The following SLC25A19 variants were observed in gnomAD, a reference collection of about 807,000 sequenced individuals.
The protein encoded by SLC25A19 is solute carrier family 25 member 19, also known as mitochondrial thiamine pyrophosphate carrier.
In SLC25A19, 18 loss-of-function variants were observed where a neutral mutation model predicts 27.9. That is an observed-to-expected ratio of 0.64 (90% CI 0.45 to 0.96). The LOEUF is 0.96. Among genes scored for constraint, SLC25A19 ranks in the 40% least tolerant of loss-of-function variants. The pLI is 0.00. For synonymous variants in SLC25A19, 169 were observed against 167.1 expected (o/e 1.01, Z -0.09); for missense variants, 371 against 418.3 (o/e 0.89, Z 0.99).
In SLC25A19 at chr17:75,273,472, G is replaced by C; in HGVS notation, c.942C>G (p.Asn314Lys). 2 of 1,614,084 alleles carry C rather than the reference G, an allele frequency of 1.2e-6. No individual in the cohort carries two copies. Among genetic ancestry groups the C allele is most frequent in the Non-Finnish European group, 1.7e-6 (2 of 1,180,038 alleles). The change falls in exon 8 of 8, where the codon AAC (asparagine) becomes AAG (lysine). Residue 314 changes from asparagine to lysine, a missense_variant. Physicochemically the swap from Asn to Lys is moderately conservative, Grantham distance 94. Transcript: ENST00000416858. ...GCACTCAGCGCTGGCTGGCTGTCCT[G>C]TTCATGCAGTGGAAGACATTACAGA... Reference protein sequence around the residue: ...EFFCNVFHCMNRTASQR With the variant: ...EFFCNVFHCMKRTASQR
chr17:75,276,697 T>C (rs139980719), intron 7 of SLC25A19, among the ~76,000 whole-genome samples: 42 of 142,974 alleles, frequency 2.9e-4, no homozygotes, highest in African/African-American at 1.0e-3. Context: ...TTTTTTGAGA[T>C]GGAGTCTTGC....
At chr17:75,277,288 T>G in intron 7 of SLC25A19, 65 bp downstream of exon 7, 1 of 1,597,632 alleles carries the variant, frequency 6.3e-7, no homozygotes, top group African/African-American at 1.3e-5. Flanking sequence ...AGGTGACTAC[T>G]GGTTCCCTCA....
chr17:75,285,310 T>G (rs114960634), intron 4 of SLC25A19, among the ~76,000 whole-genome samples: 3,059 of 149,914 alleles, frequency 0.02, 113 homozygotes, highest in African/African-American at 0.07. Context: ...GGTCTGGCTG[T>G]GTTGCCCAGG....
rs766021762 is a variant in SLC25A19 at position 75,278,225 on chromosome 17, C to A, written c.570G>T (p.Gly190=). The change falls in exon 6 of 8, where the codon GGG becomes GGT. Residue 190 remains glycine (G), a synonymous_variant. Coordinates refer to ENST00000416858, the MANE Select transcript of SLC25A19 (RefSeq NM_001126121.2). ...AGGAGCTGTAGCAAGAGAACTGCAG[C>A]CCGGCGTAGGGGAAGATGGCGATCA... is the stretch of plus-strand genomic sequence containing the variant. ...PTLIAIFPYA[G]LQFSCYSSLK... 1 of 1,614,024 alleles carries A rather than the reference C, an allele frequency of 6.2e-7. No individual in the cohort carries two copies. Among genetic ancestry groups the A allele is most frequent in the South Asian group, 1.1e-5 (1 of 91,084 alleles).
chr17:75,280,243 T>G (rs960347781), intron 5 of SLC25A19, among the ~76,000 whole-genome samples: 1 of 151,954 alleles, frequency 6.6e-6, no homozygotes, highest in Non-Finnish European at 1.5e-5. Context: ...TGGTACCAAG[T>G]GCCTATGGTC....
chr17:75,286,789 C>T lies in SLC25A19; in HGVS notation c.-25G>A. ...TCCCTGCCTCTGGCCCACACAATGT[C>T]CATCAGTATCAAGCTAAATGCAAGA... On this transcript the variant is annotated 5_prime_UTR_variant, in exon 3 of 8. Transcript: ENST00000416858. The T allele has an allele frequency of 1.2e-6, 2 of 1,613,950 alleles. No homozygotes were observed. The highest frequency in any genetic ancestry group is 4.5e-5 in the East Asian group (2 of 44,864).
rs1165289879 is a variant in SLC25A19 at position 75,278,441 on chromosome 17, G to A, written c.460-106C>T. 1.5e-5 allele frequency: 19 copies of A among 1,252,782 alleles called. No individual in the cohort carries two copies. The Admixed American group carries it at 1.9e-4, about 12-fold the overall frequency. The allele number at this position is 1,252,782 out of a possible 1,614,324, so 77.6% of individuals were successfully genotyped here. A position where few individuals can be genotyped will look rare whatever the true frequency, so the allele number is the denominator to read the frequency against. Reference sequence around the variant, plus strand: ...GCCTAAAATACCAGCTACCAGGAGCGAAACTCCTCCTGCCAGGAAGACAGT... The same window carrying A: ...GCCTAAAATACCAGCTACCAGGAGCAAAACTCCTCCTGCCAGGAAGACAGT... On this transcript the variant is annotated intron_variant, in intron 5 of 7. Coordinates refer to ENST00000416858, the MANE Select transcript of SLC25A19 (RefSeq NM_001126121.2).
intron 5 of SLC25A19, 91 bp downstream of exon 5, chr17:75,283,332 A>G (rs2078094140): frequency 2.3e-6 from 3 of 1,308,008 alleles, no homozygotes; most frequent in Non-Finnish European, 3.1e-6. Context: ...AACAAAAATA[A>G]ATAAATAAAT....
At position 75,278,349 on chromosome 17, in the gene SLC25A19, C is replaced by G; in HGVS notation, c.460-14G>C. On this transcript the variant is annotated splice_polypyrimidine_tract_variant and intron_variant, in intron 5 of 7. Coordinates refer to ENST00000416858, the MANE Select transcript of SLC25A19 (RefSeq NM_001126121.2). Reference sequence around the variant, plus strand: ...CGTATTATAGACCTGGACACACACACGCACTTTGAATGAGCTCAGTGAAGT... The same window carrying G: ...CGTATTATAGACCTGGACACACACAGGCACTTTGAATGAGCTCAGTGAAGT... 2 of 1,614,024 alleles carry G rather than the reference C, an allele frequency of 1.2e-6. No individual in the cohort carries two copies. The highest frequency in any genetic ancestry group is 1.7e-6 in the Non-Finnish European group (2 of 1,179,972).
chr17:75,276,930 A>G (rs35084766), intron 7 of SLC25A19, among the ~76,000 whole-genome samples: 114,297 of 146,130 alleles, frequency 0.78, 46,150 homozygotes, highest in East Asian at 0.99. Flanking sequence ...TGATCCACCC[A>G]CCTTGGCCTC....
intron 5 of SLC25A19, among the ~76,000 whole-genome samples, chr17:75,279,742 T>C (rs1227834794): frequency 6.6e-6 from 1 of 151,752 alleles, no homozygotes; most frequent in South Asian, 2.1e-4. Context: ...CTCCTGACCT[T>C]GTGATCCGCC....
chr17:75,280,608 T>A (rs2078014656), intron 5 of SLC25A19, among the ~76,000 whole-genome samples: 1 of 148,058 alleles, frequency 6.8e-6, no homozygotes, highest in Admixed American at 6.7e-5. Context: ...AGGTCAGGAG[T>A]TCAAGACCAG....
At chr17:75,282,651 C>T (rs980112285) in intron 5 of SLC25A19, among the ~76,000 whole-genome samples, 3 of 151,730 alleles carry the variant, frequency 2.0e-5, no homozygotes, top group Non-Finnish European at 4.4e-5. Flanking sequence ...GTCAGGAGAT[C>T]GAGACCATCC....
intron 5 of SLC25A19, among the ~76,000 whole-genome samples, chr17:75,280,944 A>C (rs1170615065): frequency 7.2e-6 from 1 of 139,098 alleles, no homozygotes; most frequent in African/African-American, 2.7e-5. Flanking sequence ...CAAACAAACA[A>C]CAACCAAAAA....
chr17:75,273,434 T>A lies in SLC25A19; in HGVS notation c.*17A>T. ...CAGGAGGCTGCCTCCAGGGAAGACC[T>A]GGGGTCCTTCCTGCACTCAGCGCTG... On this transcript the variant is annotated 3_prime_UTR_variant, in exon 8 of 8. Coordinates refer to ENST00000416858, the MANE Select transcript of SLC25A19 (RefSeq NM_001126121.2). 1 of 1,611,686 alleles carries A rather than the reference T, an allele frequency of 6.2e-7. No individual in the cohort carries two copies. Among genetic ancestry groups the A allele is most frequent in the South Asian group, 1.1e-5 (1 of 90,996 alleles).
At chr17:75,278,998 T>TAAAC in intron 5 of SLC25A19, among the ~76,000 whole-genome samples, 1 of 132,516 alleles carries the variant, frequency 7.5e-6, no homozygotes, top group South Asian at 2.3e-4. Context: ...CATAAATAAA[T>TAAAC]AAATAAATAA....
chr17:75,285,995 T>C (rs2078171782), intron 4 of SLC25A19, among the ~76,000 whole-genome samples: 1 of 152,236 alleles, frequency 6.6e-6, no homozygotes, highest in African/African-American at 2.4e-5. Context: ...GAACCACATA[T>C]GTGAAGGTGG....
At position 75,273,282 on chromosome 17, in the gene SLC25A19, G is replaced by A; in HGVS notation, c.*169C>T. ...GCATTCCCTCTGATTCTCTCATGGGGAGAGCCCTGGACCTTCTGGTGGTGT... is the reference window on the plus strand; with the variant it reads ...GCATTCCCTCTGATTCTCTCATGGGAAGAGCCCTGGACCTTCTGGTGGTGT... On this transcript the variant is annotated 3_prime_UTR_variant, in exon 8 of 8. Transcript: ENST00000416858. 1 of 656,194 alleles carries A rather than the reference G, an allele frequency of 1.5e-6. No homozygotes were observed. Among genetic ancestry groups the A allele is most frequent in the Non-Finnish European group, 2.6e-6 (1 of 379,582 alleles). The allele number at this position is 656,194 out of a possible 1,614,324, so 40.6% of individuals were successfully genotyped here.
At chr17:75,283,778 T>G (rs529621508) in intron 4 of SLC25A19, among the ~76,000 whole-genome samples, 185 bp from the exon 5 acceptor site, 4 of 152,256 alleles carry the variant, frequency 2.6e-5, no homozygotes, top group African/African-American at 7.2e-5. Context: ...AAAACTCGGA[T>G]GCCATTTGAT....
Sources: gnomAD v4.1 joint callset for allele counts (sites outside exome capture counted in the v4.1 genomes callset) on GRCh38, gnomAD v4.1.1 for gene constraint, MANE v1.5 for transcripts, NCBI Gene and HGNC (gene_info 2026-07-23, HGNC 2026-07-21) for gene names.